ADNP: variants seen among roughly 807,000 people sequenced by gnomAD.
ADNP encodes the protein activity dependent neuroprotector homeobox, also known as activity-dependent neuroprotector homeobox protein.
A neutral mutation model predicts 84.9 loss-of-function variants in ADNP; 4 were observed. The ratio of observed to expected loss-of-function variants is 0.05; its 90% CI spans 0.02 to 0.11. The LOEUF (loss-of-function observed/expected upper bound fraction) is 0.11, where lower values mean the gene tolerates loss of function less well. ADNP is among the 10% of genes least tolerant of loss of function. ADNP has a pLI of 1.00. For missense variants in ADNP, 1,132 were observed against 1,326.0 expected (o/e 0.85, Z 2.27); for synonymous variants, 554 against 468.1 (o/e 1.18, Z -2.37).
intron 1 of ADNP, among the ~76,000 whole-genome samples, chr20:50,929,986 G>C (rs1328692639): frequency 6.6e-6 from 1 of 151,948 alleles, no homozygotes; most frequent in East Asian, 1.9e-4. Context: ...CTTGGTCTTG[G>C]GCAGAAGAGG....
At chr20:50,907,404 C>G (rs1310033610) in intron 2 of ADNP, among the ~76,000 whole-genome samples, 4 of 151,910 alleles carry the variant, frequency 2.6e-5, no homozygotes, top group African/African-American at 9.7e-5. Flanking sequence ...GTAGCTGGGA[C>G]TACAGGCGCG....
At chr20:50,901,516 T>C (rs539619907) in intron 5 of ADNP, among the ~76,000 whole-genome samples, 5 of 152,178 alleles carry the variant, frequency 3.3e-5, no homozygotes, top group African/African-American at 9.7e-5. Flanking sequence ...TCATCATCTA[T>C]TGATACTTGC....
chr20:50,912,121 CCTAAACATAAGCTGCA>C (rs1400412696), intron 2 of ADNP, among the ~76,000 whole-genome samples: 60 of 152,240 alleles, frequency 3.9e-4, no homozygotes, highest in African/African-American at 1.4e-3. Context: ...CTGGTTAACA[CCTAAACATAAGCTGCA>C]CTTAGCCTAA....
chr20:50,908,474 G>C (rs1253120139), intron 2 of ADNP, among the ~76,000 whole-genome samples: 1 of 152,078 alleles, frequency 6.6e-6, no homozygotes, highest in Admixed American at 6.6e-5. Flanking sequence ...CTGGCTCCAG[G>C]GTTCATTAAT....
rs1981772185 is a variant in ADNP, at chr20:50,899,751, ATGTC to A, written c.201+2262_201+2265del. ...GACCCTGTGTAGGCCTAGGCTAATT[ATGTC>A]TGTGTCTTAGTTTTTAACAACAGTT... On this transcript the variant is annotated intron_variant, in intron 5 of 5. Coordinates refer to ENST00000621696, the MANE Select transcript of ADNP (RefSeq NM_001282531.3). Among the ~76,000 whole-genome samples the A allele has an allele frequency of 2.0e-5, 3 of 150,366 alleles. No homozygotes were observed. In the Admixed American group the frequency reaches 2.0e-4, roughly 10 times the overall value.
intron 5 of ADNP, among the ~76,000 whole-genome samples, chr20:50,896,266 C>T (rs12479950): frequency 0.5 from 75,476 of 151,792 alleles, 22,104 homozygotes; most frequent in African/African-American, 0.84. Context: ...ATTGTACAGC[C>T]GTACAAAAAT....
intron 2 of ADNP, among the ~76,000 whole-genome samples, chr20:50,925,291 C>CACACACACA (rs58814962): frequency 1.3e-5 from 2 of 150,114 alleles, no homozygotes; most frequent in African/African-American, 5.0e-5. Context: ...CACACACACA[C>CACACACACA]TACATAATCA....
At chr20:50,922,076 T>A (rs1983990279) in intron 2 of ADNP, among the ~76,000 whole-genome samples, 1 of 152,120 alleles carries the variant, frequency 6.6e-6, no homozygotes, top group African/African-American at 2.4e-5. Context: ...AAAAGGGAAA[T>A]AATTCACAAG....
chr20:50,922,628 G>C (rs1038612052), intron 2 of ADNP, among the ~76,000 whole-genome samples: 1 of 147,470 alleles, frequency 6.8e-6, no homozygotes. Flanking sequence ...CCCCCAGGCT[G>C]GAGTGCAGTG....
chr20:50,913,461 T>C (rs559594539), intron 2 of ADNP, among the ~76,000 whole-genome samples: 2 of 152,256 alleles, frequency 1.3e-5, no homozygotes, highest in South Asian at 2.1e-4. Context: ...ATATCTCTTA[T>C]AACCCCCACT....
At chr20:50,919,974 G>A (rs1192417135) in intron 2 of ADNP, among the ~76,000 whole-genome samples, 1 of 152,010 alleles carries the variant, frequency 6.6e-6, no homozygotes, top group African/African-American at 2.4e-5. Context: ...TGATTCTAAT[G>A]GCACTTTAAG....
Position 50,890,915 on chromosome 20 carries a change from G to C in ADNP, c.*490C>G. 2.0e-6 allele frequency: 2 copies of C among 984,680 alleles called. No individual in the cohort carries two copies. The highest frequency in any genetic ancestry group is 4.7e-5 in the South Asian group (1 of 21,260). 61.0% of individuals were successfully genotyped at this position (984,680 alleles called of 1,614,324 possible). ...TGGGCACACAGTAACAGGATCATGA[G>C]CATCACTTGAATAGGTCTAAAAGAC... is the stretch of plus-strand genomic sequence containing the variant. On this transcript the variant is annotated 3_prime_UTR_variant, in exon 6 of 6. Coordinates refer to ENST00000621696, the MANE Select transcript of ADNP (RefSeq NM_001282531.3).
chr20:50,917,183 C>T (rs1852743254), intron 2 of ADNP, among the ~76,000 whole-genome samples: 1 of 152,222 alleles, frequency 6.6e-6, no homozygotes, highest in Non-Finnish European at 1.5e-5. Context: ...CAAACAGCAG[C>T]ATGTTCCCTA....
Position 50,913,776 on chromosome 20 carries a change from G to A in ADNP, c.-89-8927C>T, listed in dbSNP as rs185270811. Reference sequence around the variant, plus strand: ...TATGGTCTGCAACTTGGCCTACAGAGGGAAGCTGGAGGAGGTGAAGGAGAG... The same window carrying A: ...TATGGTCTGCAACTTGGCCTACAGAAGGAAGCTGGAGGAGGTGAAGGAGAG... On this transcript the variant is annotated intron_variant, in intron 2 of 5. Transcript: ENST00000621696. The A allele has an allele frequency of 1.3e-4, 61 of 460,624 alleles. No homozygotes were observed. The Middle Eastern group carries it at 2.9e-3, about 22-fold the overall frequency. 28.5% of individuals were successfully genotyped at this position (460,624 alleles called of 1,614,324 possible).
intron 2 of ADNP, among the ~76,000 whole-genome samples, chr20:50,910,526 G>C (rs1304308575): frequency 6.6e-6 from 1 of 152,216 alleles, no homozygotes; most frequent in Non-Finnish European, 1.5e-5. Flanking sequence ...GTTCAAGACT[G>C]CAGTGGGCAA....
intron 2 of ADNP, among the ~76,000 whole-genome samples, chr20:50,920,892 T>C (rs188531086): frequency 3.6e-4 from 55 of 152,330 alleles, no homozygotes; most frequent in Middle Eastern, 6.8e-3. Flanking sequence ...TAGGGTGACA[T>C]AGCACAGTAA....
At chr20:50,898,801 T>A (rs776703337) in intron 5 of ADNP, among the ~76,000 whole-genome samples, 5 of 152,210 alleles carry the variant, frequency 3.3e-5, no homozygotes, top group Non-Finnish European at 5.9e-5. Flanking sequence ...TGCTACCAGT[T>A]ACCATGAAAA....
intron 5 of ADNP, among the ~76,000 whole-genome samples, chr20:50,896,070 A>G (rs183849829): frequency 6.6e-6 from 1 of 151,470 alleles, no homozygotes; most frequent in African/African-American, 2.4e-5. Flanking sequence ...ACTGAAAATA[A>G]AAAAAATAGC....
chr20:50,908,755 C>CT (rs1244520892), intron 2 of ADNP, among the ~76,000 whole-genome samples: 1 of 151,476 alleles, frequency 6.6e-6, no homozygotes, highest in African/African-American at 2.4e-5. Context: ...GCCTGGGCGA[C>CT]AGAGTGAGAC....
Sources: allele counts gnomAD v4.1 joint callset (sites outside exome capture counted in the v4.1 genomes callset), GRCh38; gene constraint gnomAD v4.1.1; transcripts MANE v1.5; gene names NCBI Gene and HGNC (gene_info 2026-07-23, HGNC 2026-07-21).